The following BEST1 variants were observed in gnomAD, a reference collection of about 807,000 sequenced individuals.
BEST1 encodes the protein bestrophin-1.
A neutral mutation model predicts 63.3 loss-of-function variants in BEST1; 58 were observed. That is an observed-to-expected ratio of 0.92 (90% confidence interval 0.74 to 1.14). The LOEUF is 1.14. Among genes scored for constraint, BEST1 ranks in the 50% most tolerant of loss-of-function variants. The probability of loss-of-function intolerance (pLI) is 0.00; values close to 1 mark genes in which losing one functional copy is unlikely to be tolerated. For missense variants in BEST1, 671 were observed against 740.1 expected, an observed-to-expected ratio of 0.91 and a Z score of 1.08; for synonymous variants, 283 against 291.6, an observed-to-expected ratio of 0.97 and a Z score of 0.30.
chr11:61,953,580 C>G (rs974852158), intron 2 of BEST1, among the ~76,000 whole-genome samples: 1 of 152,090 alleles, frequency 6.6e-6, no homozygotes, highest in Non-Finnish European at 1.5e-5. Context: ...TGGGGTGGCA[C>G]GCACCTGTAG....
Position 61,951,877 on chromosome 11 carries a change from G to A in BEST1, c.71G>A (p.Trp24Ter), listed in dbSNP as rs1402176267. ...TCCTTCTCCCGCCTGCTGCTGTGCT[G>A]GCGGGGCAGCATCTACAAGCTGCTA... Reference protein sequence around the residue: ...LGSFSRLLLCWRGSIYKLLYG... With the variant: ...LGSFSRLLLC Residue 24 changes from tryptophan to a stop codon, truncating the protein, a stop_gained, in exon 2 of 11, where the codon TGG (tryptophan) becomes TAG (stop). Coordinates refer to ENST00000378043, the MANE Select transcript of BEST1 (RefSeq NM_004183.4). LOFTEE classifies it high-confidence loss of function. 1 of 1,613,606 alleles carries A rather than the reference G, an allele frequency of 6.2e-7. No homozygotes were observed. Among genetic ancestry groups the A allele is most frequent in the East Asian group, 2.2e-5 (1 of 44,884 alleles).
Position 61,957,482 on chromosome 11 carries a change from G to A in BEST1, c.714+18G>A. 1.2e-6 allele frequency: 2 copies of A among 1,612,552 alleles called. No homozygotes were observed. Among genetic ancestry groups the A allele is most frequent in the Non-Finnish European group, 1.7e-6 (2 of 1,178,532 alleles). On this transcript the variant is annotated intron_variant, in intron 6 of 10. Coordinates refer to ENST00000378043, the MANE Select transcript of BEST1 (RefSeq NM_004183.4). ...ATACACAGGTGAGGACTAGGCTGGT[G>A]AGGCTGCCCTTTTGGGAAACTGAGG...
In BEST1 at chr11:61,964,158, C is replaced by A; in HGVS notation, c.*36C>A. 1 of 1,613,638 alleles carries A rather than the reference C, an allele frequency of 6.2e-7. No individual in the cohort carries two copies. Among genetic ancestry groups the A allele is most frequent in the South Asian group, 1.1e-5 (1 of 90,974 alleles). ...AATGGGGATGCTTCGCCAGCCAGGT[C>A]CTCACCTGTGTGTACACCAGCAGGA... On this transcript the variant is annotated 3_prime_UTR_variant, in exon 11 of 11. Transcript: ENST00000378043.
chr11:61,961,251 G>T, intron 9 of BEST1: 1 of 152,208 alleles, frequency 6.6e-6, no homozygotes, highest in South Asian at 2.1e-4. Context: ...CCTGACCTCA[G>T]GTGATCCACC....
chr11:61,959,802 G>T, intron 8 of BEST1, 90 bp from the exon 9 acceptor site: 1 of 1,554,320 alleles, frequency 6.4e-7, no homozygotes, highest in African/African-American at 1.4e-5. Context: ...GGTCCAGAGA[G>T]AGGGAGAGAT....
chr11:61,955,793 G>C lies in BEST1; in HGVS notation c.323G>C (p.Ser108Thr). 1 of 1,550,260 alleles carries C rather than the reference G, an allele frequency of 6.5e-7. No homozygotes were observed. Among genetic ancestry groups the C allele is most frequent in the Non-Finnish European group, 8.7e-7 (1 of 1,146,940 alleles). The change falls in exon 4 of 11, where the codon AGC becomes ACC. Residue 108 changes from serine (S) to threonine (T), a missense_variant. Ser to Thr is a moderately conservative substitution (Grantham distance 58). Coordinates refer to ENST00000378043, the MANE Select transcript of BEST1 (RefSeq NM_004183.4). ...CTGCCGTGGCCCGACCGCCTCATGA[G>C]CCTGGTGTCGGGCTTCGTCGAAGGC... Reference protein sequence around the residue: ...ENLPWPDRLMSLVSGFVEGKD... With the variant: ...ENLPWPDRLMTLVSGFVEGKD...
At chr11:61,958,453 G>C (rs562559651) in intron 7 of BEST1, 155 bp downstream of exon 7, 1 of 1,535,854 alleles carries the variant, frequency 6.5e-7, no homozygotes, top group Middle Eastern at 2.0e-4. Context: ...CCAGCTACTC[G>C]GGAGGCTGAG....
intron 4 of BEST1, among the ~76,000 whole-genome samples, chr11:61,956,225 T>C (rs1332293186): frequency 6.6e-6 from 1 of 151,936 alleles, no homozygotes; most frequent in Non-Finnish European, 1.5e-5. Flanking sequence ...GGGTGACGGC[T>C]TGGGAACTGG....
Position 61,956,917 on chromosome 11 carries a change from G to A in BEST1, c.555G>A (p.Trp185Ter). 6.2e-7 allele frequency: 1 copy of A among 1,614,140 alleles called. No homozygotes were observed. The change falls in exon 5 of 11, where the codon TGG becomes TGA. Residue 185 changes from tryptophan (W) to a stop codon, truncating the protein, a stop_gained. Coordinates refer to ENST00000378043, the MANE Select transcript of BEST1 (RefSeq NM_004183.4). LOFTEE classifies it high-confidence loss of function. Reference protein sequence around the residue: ...SLPHNMFWVPWVWFANLSMKA... With the variant: ...SLPHNMFWVP ...CACACAACATGTTCTGGGTGCCCTG[G>A]GTGTGGTTTGCCAACCTGTCAATGA... is the stretch of plus-strand genomic sequence containing the variant.
In BEST1 at chr11:61,962,955, G is replaced by T. The variant is rs115979721; in HGVS notation, c.1739+62G>T. 3.6e-3 allele frequency: 5,760 copies of T among 1,613,610 alleles called. 193 individuals carry two copies. In the African/African-American group the frequency reaches 0.069, roughly 19 times the overall value. On this transcript the variant is annotated intron_variant, in intron 10 of 10. Coordinates refer to ENST00000378043, the MANE Select transcript of BEST1 (RefSeq NM_004183.4). Reference sequence around the variant, plus strand: ...CCTGTGCCCCACCCCAGCTTCCCTTGCTCTGAGCCTACCCTTCCTCCACAA... The same window carrying T: ...CCTGTGCCCCACCCCAGCTTCCCTTTCTCTGAGCCTACCCTTCCTCCACAA...
chr11:61,962,734 C>G lies in BEST1; in HGVS notation c.1580C>G (p.Pro527Arg), dbSNP rs1479563724. ...AGCGATGGGGCCTTGATGGAGCACC[C>G]AGAAGTATCTCAAGTGAGGAGGAAA... ...SESDGALMEH[P>R]EVSQVRRKTV... is the part of the protein sequence containing the mutation. The change falls in exon 10 of 11, where the codon CCA (proline) becomes CGA (arginine). Residue 527 changes from proline to arginine, a missense_variant. Pro to Arg is a moderately radical substitution (Grantham distance 103). Coordinates refer to ENST00000378043, the MANE Select transcript of BEST1 (RefSeq NM_004183.4). 1.2e-6 allele frequency: 2 copies of G among 1,614,218 alleles called. No individual in the cohort carries two copies. Among genetic ancestry groups the G allele is most frequent in the Admixed American group, 1.7e-5 (1 of 60,024 alleles).
chr11:61,955,746 C>T lies in BEST1; in HGVS notation c.276C>T (p.Arg92=). 3 of 1,548,582 alleles carry T rather than the reference C, an allele frequency of 1.9e-6. No homozygotes were observed. In the South Asian group the frequency reaches 3.6e-5, roughly 18 times the overall value. ...LGFYVTLVVT[R]WWNQYENLPW... Reference sequence around the variant, plus strand: ...TCTACGTGACGCTGGTCGTGACCCGCTGGTGGAACCAGTACGAGAACCTGC... The same window carrying T: ...TCTACGTGACGCTGGTCGTGACCCGTTGGTGGAACCAGTACGAGAACCTGC... The change falls in exon 4 of 11, where the codon CGC becomes CGT. Residue 92 remains arginine, a synonymous_variant. Transcript: ENST00000378043.
chr11:61,962,656 G>A lies in BEST1; in HGVS notation c.1502G>A (p.Ser501Asn). ...SVTGIDTKDK[S>N]LKTVSSGAKK... ...ACAGGCATAGACACCAAAGACAAAA[G>A]CTTAAAGACTGTGAGTTCTGGGGCC... is the stretch of plus-strand genomic sequence containing the variant. The change falls in exon 10 of 11, where the codon AGC becomes AAC. Residue 501 changes from serine (S) to asparagine (N), a missense_variant. By Grantham distance (46) the Ser-to-Asn change is conservative. Coordinates refer to ENST00000378043, the MANE Select transcript of BEST1 (RefSeq NM_004183.4). 1.2e-6 allele frequency: 2 copies of A among 1,614,160 alleles called. No homozygotes were observed. The highest frequency in any genetic ancestry group is 1.3e-5 in the African/African-American group (1 of 75,032).
rs747964378 is a variant in BEST1 at position 61,962,545 on chromosome 11, A to G, written c.1391A>G (p.Tyr464Cys). The G allele has an allele frequency of 6.2e-7, 1 of 1,614,166 alleles. No individual in the cohort carries two copies. The highest frequency in any genetic ancestry group is 1.7e-5 in the Admixed American group (1 of 60,020). ...GCCCCACTGTATCAGAGGCCAGGCT[A>G]CTACAGTGCCCCACAGACGCCCCTC... is the stretch of plus-strand genomic sequence containing the variant. ...KSAPLYQRPG[Y>C]YSAPQTPLSP... Residue 464 changes from tyrosine (Y) to cysteine (C), a missense_variant, in exon 10 of 11, where the codon TAC becomes TGC. Transcript: ENST00000378043.
intron 10 of BEST1, 89 bp from the exon 11 acceptor site, chr11:61,964,015 T>C: frequency 1.3e-6 from 2 of 1,582,104 alleles, no homozygotes; most frequent in Non-Finnish European, 8.6e-7. Context: ...AAGGATCGTC[T>C]CAACCTTTGC....
In BEST1 at chr11:61,962,612, G is replaced by A. The variant is rs764636188; in HGVS notation, c.1458G>A (p.Pro486=). ...PMFFPLEPSA[P]SKLHSVTGID... ...TCTTCCCCCTAGAACCATCAGCGCCGTCAAAGCTTCACAGTGTCACAGGCA... is the reference window on the plus strand; with the variant it reads ...TCTTCCCCCTAGAACCATCAGCGCCATCAAAGCTTCACAGTGTCACAGGCA... The change falls in exon 10 of 11, where the codon CCG becomes CCA. Residue 486 remains proline (P), a synonymous_variant. Transcript: ENST00000378043. 1.6e-5 allele frequency: 26 copies of A among 1,613,994 alleles called. No homozygotes were observed. The highest frequency in any genetic ancestry group is 1.2e-4 in the South Asian group (11 of 91,086).
chr11:61,962,454 C>G lies in BEST1; in HGVS notation c.1300C>G (p.Gln434Glu), dbSNP rs201299251. ...GLPKNHKAAK[Q>E]NVRGQEDNKA... ...GCCCAAAAACCACAAGGCAGCCAAACAGAACGTTAGGGGCCAGGAAGACAA... is the reference window on the plus strand; with the variant it reads ...GCCCAAAAACCACAAGGCAGCCAAAGAGAACGTTAGGGGCCAGGAAGACAA... The change falls in exon 10 of 11, where the codon CAG (glutamine) becomes GAG (glutamate). Residue 434 changes from glutamine (Q) to glutamate (E), a missense_variant. Transcript: ENST00000378043. 2.5e-6 allele frequency: 4 copies of G among 1,614,196 alleles called. No homozygotes were observed. The African/African-American group carries it at 5.3e-5, about 22-fold the overall frequency.
downstream of BEST1, chr11:61,964,960 T>C (rs371949168): frequency 6.2e-7 from 1 of 1,614,130 alleles, no homozygotes; most frequent in South Asian, 1.1e-5. Context: ...ATTTCCTCCA[T>C]TTATTTCCTG....
At position 61,951,938 on chromosome 11, in the gene BEST1, C is replaced by T. The variant is rs201476918; in HGVS notation, c.132C>T (p.Tyr44=). The T allele has an allele frequency of 7.4e-6, 12 of 1,613,698 alleles. No homozygotes were observed. Among genetic ancestry groups the T allele is most frequent in the East Asian group, 2.2e-5 (1 of 44,878 alleles). Residue 44 remains tyrosine (Y), a synonymous_variant, in exon 2 of 11, where the codon TAC becomes TAT. Coordinates refer to ENST00000378043, the MANE Select transcript of BEST1 (RefSeq NM_004183.4). ...TCTTAATCTTCCTGCTCTGCTACTA[C>T]ATCATCCGCTTTATTTATAGGTAAA... The part of the protein sequence containing the change: ...GEFLIFLLCY[Y]IIRFIYRLAL...
Sources: gnomAD v4.1 joint callset for allele counts (sites outside exome capture counted in the v4.1 genomes callset) on GRCh38, gnomAD v4.1.1 for gene constraint, MANE v1.5 for transcripts, NCBI Gene and HGNC (gene_info 2026-07-23, HGNC 2026-07-21) for gene names.